Variants in ARHGAP12 observed in about 807,000 individuals in gnomAD.
The protein encoded by ARHGAP12 is rho GTPase-activating protein 12.
A neutral mutation model predicts 108.6 loss-of-function variants in ARHGAP12; 64 were observed. The observed-to-expected ratio is 0.59, with a 90% confidence interval of 0.48 to 0.73. The LOEUF (loss-of-function observed/expected upper bound fraction) is 0.73. ARHGAP12 is among the 30% of genes least tolerant of loss of function. The pLI is 0.00. For synonymous variants in ARHGAP12, 312 were observed against 337.2 expected, an observed-to-expected ratio of 0.93 and a Z score of 0.82; for missense variants, 940 against 1,005.9, an observed-to-expected ratio of 0.93 and a Z score of 0.89.
At chr10:31,915,619 T>C (rs1179573665) in intron 1 of ARHGAP12, among the ~76,000 whole-genome samples, 1 of 152,148 alleles carries the variant, frequency 6.6e-6, no homozygotes, top group Non-Finnish European at 1.5e-5. Context: ...GATAACTATG[T>C]GAGGTAATGC....
At chr10:31,926,464 C>A (rs1840052706) in intron 1 of ARHGAP12, among the ~76,000 whole-genome samples, 1 of 152,174 alleles carries the variant, frequency 6.6e-6, no homozygotes, top group Non-Finnish European at 1.5e-5. Context: ...ATTCATACTA[C>A]AAAATAGTGC....
intron 3 of ARHGAP12, among the ~76,000 whole-genome samples, chr10:31,892,059 C>T (rs1336630455): frequency 1.3e-5 from 2 of 152,048 alleles, no homozygotes; most frequent in East Asian, 3.9e-4. Flanking sequence ...TTTTGATCGT[C>T]GGAGAGATTT....
At position 31,807,631 on chromosome 10, in the gene ARHGAP12, T is replaced by C; in HGVS notation, c.*27A>G. On this transcript the variant is annotated 3_prime_UTR_variant, in exon 20 of 20. Transcript: ENST00000344936. ...TTGAAATCTGATGGAATCCAGCTTCTATTCCACAGGTTGTCTTCAGTAAGA... is the reference window on the plus strand; with the variant it reads ...TTGAAATCTGATGGAATCCAGCTTCCATTCCACAGGTTGTCTTCAGTAAGA... 1 of 1,568,952 alleles carries C rather than the reference T, an allele frequency of 6.4e-7. No individual in the cohort carries two copies. The highest frequency in any genetic ancestry group is 8.6e-7 in the Non-Finnish European group (1 of 1,161,388).
At chr10:31,913,538 G>A in intron 1 of ARHGAP12, 1 of 171,268 alleles carries the variant, frequency 5.8e-6, no homozygotes, top group Non-Finnish European at 1.2e-5. Flanking sequence ...AGAGCTGCAG[G>A]TGACAAGCAA....
At chr10:31,903,470 G>A (rs185173206) in intron 3 of ARHGAP12, among the ~76,000 whole-genome samples, 131 of 152,206 alleles carry the variant, frequency 8.6e-4, no homozygotes, top group Non-Finnish European at 1.5e-3. Context: ...GCCTAATATA[G>A]CTAGAGTTCT....
chr10:31,866,739 C>G (rs1837340261), intron 3 of ARHGAP12, among the ~76,000 whole-genome samples: 1 of 152,060 alleles, frequency 6.6e-6, no homozygotes, highest in South Asian at 2.1e-4. Flanking sequence ...CCTCAGCCTC[C>G]TGAGTAGCTG....
chr10:31,850,673 C>T (rs1461811294), intron 6 of ARHGAP12, among the ~76,000 whole-genome samples: 1 of 152,066 alleles, frequency 6.6e-6, no homozygotes, highest in Non-Finnish European at 1.5e-5. Flanking sequence ...ATCATTTTCC[C>T]ACTTATAAGT....
At chr10:31,828,759 T>C (rs1835719791) in intron 10 of ARHGAP12, among the ~76,000 whole-genome samples, 1 of 152,174 alleles carries the variant, frequency 6.6e-6, no homozygotes, top group Non-Finnish European at 1.5e-5. Flanking sequence ...ACTATAGTTA[T>C]TCAGACCTGG....
intron 3 of ARHGAP12, among the ~76,000 whole-genome samples, chr10:31,898,082 C>A (rs1838778422): frequency 6.6e-6 from 1 of 152,122 alleles, no homozygotes; most frequent in African/African-American, 2.4e-5. Flanking sequence ...CATGATCGCA[C>A]CACTGCACTC....
chr10:31,880,294 G>A (rs902167149), intron 3 of ARHGAP12, among the ~76,000 whole-genome samples: 15 of 152,228 alleles, frequency 9.9e-5, no homozygotes, highest in African/African-American at 3.4e-4. Context: ...AAAGTCCCTA[G>A]TTCAAGTTGG....
At chr10:31,889,635 T>G (rs1838337014) in intron 3 of ARHGAP12, among the ~76,000 whole-genome samples, 1 of 138,908 alleles carries the variant, frequency 7.2e-6, no homozygotes, top group Non-Finnish European at 1.5e-5. Context: ...TTTTTTTTTT[T>G]TTTTTTTTTG....
chr10:31,919,410 T>C (rs1227165930), intron 1 of ARHGAP12, among the ~76,000 whole-genome samples: 1 of 152,206 alleles, frequency 6.6e-6, no homozygotes, highest in Non-Finnish European at 1.5e-5. Flanking sequence ...AAAGACACTG[T>C]AGTATACAAT....
At chr10:31,811,259 G>T (rs1327622529) in intron 15 of ARHGAP12, among the ~76,000 whole-genome samples, 2 of 152,200 alleles carry the variant, frequency 1.3e-5, no homozygotes, top group East Asian at 3.8e-4. Context: ...ACCTAGGCTT[G>T]TGCCTGGCAC....
At position 31,814,248 on chromosome 10, in the gene ARHGAP12, G is replaced by A. The variant is rs1432360075; in HGVS notation, c.1834+11C>T. On this transcript the variant is annotated intron_variant, in intron 14 of 19. Coordinates refer to ENST00000344936, the MANE Select transcript of ARHGAP12 (RefSeq NM_018287.7). Reference sequence around the variant, plus strand: ...ACAAATCCTTAGCAAAATAGGGAAAGGACAACTTACAACGAAGCTTTTTGG... The same window carrying A: ...ACAAATCCTTAGCAAAATAGGGAAAAGACAACTTACAACGAAGCTTTTTGG... The A allele has an allele frequency of 1.2e-6, 2 of 1,605,958 alleles. No individual in the cohort carries two copies. The highest frequency in any genetic ancestry group is 1.7e-6 in the Non-Finnish European group (2 of 1,172,838).
chr10:31,853,024 G>A (rs937538008), intron 5 of ARHGAP12, among the ~76,000 whole-genome samples: 17 of 151,980 alleles, frequency 1.1e-4, no homozygotes, highest in Admixed American at 9.8e-4. Context: ...CACGGCGCCC[G>A]GCCGGCAACA....
At chr10:31,860,328 G>A (rs561298680) in intron 4 of ARHGAP12, among the ~76,000 whole-genome samples, 6 of 152,224 alleles carry the variant, frequency 3.9e-5, no homozygotes, top group African/African-American at 9.6e-5. Context: ...TATAACAGCC[G>A]GATGTCCTAT....
At chr10:31,832,226 T>G (rs1250293426) in intron 9 of ARHGAP12, among the ~76,000 whole-genome samples, 1 of 152,224 alleles carries the variant, frequency 6.6e-6, no homozygotes. Flanking sequence ...TAACTCACTT[T>G]GTCAAAATGT....
chr10:31,877,810 A>C (rs913357283), intron 3 of ARHGAP12, among the ~76,000 whole-genome samples: 2 of 152,216 alleles, frequency 1.3e-5, no homozygotes, highest in Non-Finnish European at 2.9e-5. Flanking sequence ...TTTTAAAACC[A>C]GTTGGGTGAG....
intron 3 of ARHGAP12, among the ~76,000 whole-genome samples, chr10:31,868,511 A>C (rs1025255443): frequency 2.0e-5 from 3 of 152,114 alleles, no homozygotes; most frequent in Non-Finnish European, 4.4e-5. Context: ...ACCCTATAGA[A>C]ACTAGTGTTT....
Sources: gnomAD v4.1 joint callset for allele counts (sites outside exome capture counted in the v4.1 genomes callset) on GRCh38, gnomAD v4.1.1 for gene constraint, MANE v1.5 for transcripts, NCBI Gene and HGNC (gene_info 2026-07-23, HGNC 2026-07-21) for gene names.